The following HIVEP3 variants were observed in gnomAD, a reference collection of about 807,000 sequenced individuals.
The protein encoded by HIVEP3 is HIVEP zinc finger 3, also known as transcription factor HIVEP3.
A neutral mutation model predicts 152.8 loss-of-function variants in HIVEP3; 49 were observed. The ratio of observed to expected loss-of-function variants is 0.32; its 90% CI spans 0.26 to 0.41. The LOEUF (loss-of-function observed/expected upper bound fraction) is 0.41. Among genes scored for constraint, HIVEP3 ranks in the 10% least tolerant of loss-of-function variants. The probability of loss-of-function intolerance (pLI) is 1.00; values close to 1 mark genes in which losing one functional copy is unlikely to be tolerated. For synonymous variants in HIVEP3, 1,269 were observed against 1,289.0 expected (o/e 0.98, Z 0.33); for missense variants, 2,790 against 3,103.3 (o/e 0.90, Z 2.40).
At chr1:41,762,791 G>T (rs1373774975) in intron 1 of HIVEP3, among the ~76,000 whole-genome samples, 2 of 152,232 alleles carry the variant, frequency 1.3e-5, no homozygotes, top group African/African-American at 4.8e-5. Flanking sequence ...GAGTGAGCAG[G>T]GGCATCACCA....
chr1:41,755,157 C>T (rs909737645), intron 1 of HIVEP3, among the ~76,000 whole-genome samples: 3 of 152,168 alleles, frequency 2.0e-5, no homozygotes, highest in African/African-American at 7.2e-5. Flanking sequence ...CACATGGCTA[C>T]AGCCAACCGA....
chr1:41,550,934 G>A (rs916523992), intron 5 of HIVEP3, among the ~76,000 whole-genome samples: 1 of 152,190 alleles, frequency 6.6e-6, no homozygotes, highest in Non-Finnish European at 1.5e-5. Flanking sequence ...TGGTGAGAGA[G>A]GGCATCCCTG....
intron 1 of HIVEP3, among the ~76,000 whole-genome samples, chr1:41,895,793 T>C: frequency 6.6e-6 from 1 of 151,958 alleles, no homozygotes; most frequent in Non-Finnish European, 1.5e-5. Context: ...CTGATAAACA[T>C]TTATTTGCTT....
chr1:41,547,993 C>T (rs1401393730), intron 5 of HIVEP3, among the ~76,000 whole-genome samples: 1 of 152,146 alleles, frequency 6.6e-6, no homozygotes, highest in Non-Finnish European at 1.5e-5. Context: ...CGACCTTTGA[C>T]CCTGCCAGTT....
intron 1 of HIVEP3, among the ~76,000 whole-genome samples, chr1:42,005,629 A>T (rs1570886086): frequency 6.6e-6 from 1 of 152,202 alleles, no homozygotes; most frequent in Admixed American, 6.5e-5. Context: ...CTTTCTGAAG[A>T]TATCTGAATG....
At chr1:41,682,816 C>T (rs1473406015) in intron 2 of HIVEP3, among the ~76,000 whole-genome samples, 1 of 152,180 alleles carries the variant, frequency 6.6e-6, no homozygotes, top group African/African-American at 2.4e-5. Context: ...TAGACACCTT[C>T]CAGGCCCTGG....
At chr1:41,560,168 C>T (rs1472328100) in intron 5 of HIVEP3, among the ~76,000 whole-genome samples, 1 of 152,206 alleles carries the variant, frequency 6.6e-6, no homozygotes, top group Non-Finnish European at 1.5e-5. Flanking sequence ...ATGCCAAGTA[C>T]ATTACACACA....
intron 3 of HIVEP3, among the ~76,000 whole-genome samples, chr1:41,628,041 A>C (rs11210502): frequency 0.63 from 95,386 of 152,068 alleles, 30,983 homozygotes; most frequent in African/African-American, 0.8. Flanking sequence ...ACCTGTACTG[A>C]AGCCTGAACA....
At chr1:41,886,003 G>T (rs1644340407) in intron 1 of HIVEP3, among the ~76,000 whole-genome samples, 1 of 152,156 alleles carries the variant, frequency 6.6e-6, no homozygotes, top group African/African-American at 2.4e-5. Flanking sequence ...TCAGGGCCCT[G>T]CCAGCATGGA....
At chr1:41,985,146 T>C (rs906815522) in intron 1 of HIVEP3, among the ~76,000 whole-genome samples, 1 of 152,170 alleles carries the variant, frequency 6.6e-6, no homozygotes, top group African/African-American at 2.4e-5. Flanking sequence ...GGAAAACTAG[T>C]TCCAGGTTAC....
chr1:41,516,016 G>A (rs1224814770), intron 7 of HIVEP3, among the ~76,000 whole-genome samples: 1 of 152,198 alleles, frequency 6.6e-6, no homozygotes, highest in Non-Finnish European at 1.5e-5. Flanking sequence ...GGCTCCTAAA[G>A]ATCCTCTTTA....
intron 1 of HIVEP3, among the ~76,000 whole-genome samples, chr1:41,777,059 C>T (rs1247476395): frequency 2.0e-5 from 3 of 152,190 alleles, no homozygotes; most frequent in Non-Finnish European, 2.9e-5. Context: ...GGTTACTCCC[C>T]GAGTCAACAG....
chr1:41,775,524 T>C (rs1648643445), intron 1 of HIVEP3, among the ~76,000 whole-genome samples: 2 of 152,032 alleles, frequency 1.3e-5, no homozygotes, highest in Non-Finnish European at 1.5e-5. Context: ...GGAGTCTTAC[T>C]CTGTCGCCCA....
Position 41,582,895 on chromosome 1 carries a change from C to G in HIVEP3, c.1903G>C (p.Gly635Arg), listed in dbSNP as rs1558086429. The G allele has an allele frequency of 6.2e-7, 1 of 1,613,980 alleles. No individual in the cohort carries two copies. The highest frequency in any genetic ancestry group is 8.5e-7 in the Non-Finnish European group (1 of 1,180,044). ...TAGATCACCCCTTTTGTTTTCAAACCCTTCTTGGTCTTTTTGGTAAGCTCG... is the reference window on the plus strand; with the variant it reads ...TAGATCACCCCTTTTGTTTTCAAACGCTTCTTGGTCTTTTTGGTAAGCTCG... The part of the protein sequence containing the change: ...ESELTKKTKK[G>R]LKTKGVIYEC... The change falls in exon 4 of 9, where the codon GGT becomes CGT. Residue 635 changes from glycine (G) to arginine (R), a missense_variant. By Grantham distance (125) the Gly-to-Arg change is moderately radical. Transcript: ENST00000372583. The surrounding 1 kb of genome is among the most constrained non-coding windows in gnomAD (Gnocchi z 4.7).
chr1:41,841,130 T>G (rs1422500512), intron 1 of HIVEP3, among the ~76,000 whole-genome samples: 2 of 152,058 alleles, frequency 1.3e-5, no homozygotes, highest in East Asian at 1.9e-4. Flanking sequence ...GCCCTGCGTT[T>G]CCACCTACAA....
At chr1:41,904,276 G>T (rs1644674655) in intron 1 of HIVEP3, among the ~76,000 whole-genome samples, 1 of 152,082 alleles carries the variant, frequency 6.6e-6, no homozygotes, top group Non-Finnish European at 1.5e-5. Flanking sequence ...CTTTAACTGT[G>T]CCTCCCCACA....
At chr1:42,006,250 G>T (rs183166084) in intron 1 of HIVEP3, among the ~76,000 whole-genome samples, 12 of 152,186 alleles carry the variant, frequency 7.9e-5, no homozygotes, top group African/African-American at 1.7e-4. Flanking sequence ...GGTGGAGGGT[G>T]GGGGGAGGCT....
At chr1:41,867,539 C>T (rs1643999989) in intron 1 of HIVEP3, among the ~76,000 whole-genome samples, 1 of 152,190 alleles carries the variant, frequency 6.6e-6, no homozygotes, top group Admixed American at 6.5e-5. Context: ...CTGCACGTGG[C>T]ACCTGTACTA....
At chr1:41,611,700 C>T (rs1005199521) in intron 3 of HIVEP3, among the ~76,000 whole-genome samples, 1 of 152,250 alleles carries the variant, frequency 6.6e-6, no homozygotes, top group African/African-American at 2.4e-5. Context: ...GTTGTTCAGG[C>T]CTGGGGATCT....
Sources: allele counts gnomAD v4.1 joint callset (sites outside exome capture counted in the v4.1 genomes callset), GRCh38; gene constraint gnomAD v4.1.1; non-coding constraint Gnocchi (gnomAD v3.1); transcripts MANE v1.5; gene names NCBI Gene and HGNC (gene_info 2026-07-23, HGNC 2026-07-21).